Variants in ITGA11 observed in about 807,000 individuals in gnomAD.
ITGA11 encodes integrin alpha-11.
ITGA11 carries 97 observed loss-of-function variants against 141.9 expected under a neutral mutation model. That is an observed-to-expected ratio of 0.68 (90% confidence interval 0.58 to 0.81). ITGA11 has a LOEUF of 0.81. Among genes scored for constraint, ITGA11 ranks in the 30% least tolerant of loss-of-function variants. The pLI is 0.00. For missense variants in ITGA11, 1,387 were observed against 1,559.2 expected (o/e 0.89, Z 1.86); for synonymous variants, 658 against 624.6 (o/e 1.05, Z -0.80).
chr15:68,350,545 T>C (rs1417605670), intron 9 of ITGA11, 72 bp downstream of exon 9: 2 of 1,443,706 alleles, frequency 1.4e-6, no homozygotes, highest in Non-Finnish European at 1.9e-6. Context: ...GTGGGATTGG[T>C]TTGTGCTCTA....
intron 26 of ITGA11, among the ~76,000 whole-genome samples, chr15:68,309,058 C>A (rs1347894320): frequency 6.6e-6 from 1 of 152,204 alleles, no homozygotes; most frequent in African/African-American, 2.4e-5. Flanking sequence ...AAATTTTAAA[C>A]AAGTGACATC....
intron 1 of ITGA11, among the ~76,000 whole-genome samples, chr15:68,431,434 G>C (rs1897268867): frequency 6.6e-6 from 1 of 152,246 alleles, no homozygotes; most frequent in Non-Finnish European, 1.5e-5. Flanking sequence ...CCGGGCAGAC[G>C]AGAGCTAGCC....
At chr15:68,332,157 C>T (rs1268941177) in intron 13 of ITGA11, 95 bp from the exon 14 acceptor site, 2 of 1,262,950 alleles carry the variant, frequency 1.6e-6, no homozygotes, top group Non-Finnish European at 2.2e-6. Context: ...ATCCTCTCAC[C>T]ACTCCATTCC....
intron 20 of ITGA11, among the ~76,000 whole-genome samples, chr15:68,317,598 G>A (rs1893637840): frequency 6.7e-6 from 1 of 150,062 alleles, no homozygotes; most frequent in Non-Finnish European, 1.5e-5. Flanking sequence ...CACACTCAGA[G>A]GCGGTGGGGA....
chr15:68,348,927 A>C (rs1385944001), intron 9 of ITGA11, 27 bp from the exon 10 acceptor site: 1 of 1,581,510 alleles, frequency 6.3e-7, no homozygotes, highest in Admixed American at 1.8e-5. Flanking sequence ...GAGAGATGTC[A>C]GCTCCATGCC....
chr15:68,359,203 C>G (rs1050412825), intron 5 of ITGA11, among the ~76,000 whole-genome samples: 8 of 152,186 alleles, frequency 5.3e-5, no homozygotes, highest in African/African-American at 1.9e-4. Context: ...CTCAATAAAT[C>G]TGAACTGATC....
chr15:68,312,921 G>T, intron 23 of ITGA11, 58 bp from the exon 24 acceptor site: 1 of 1,278,530 alleles, frequency 7.8e-7, no homozygotes, highest in African/African-American at 1.5e-5. Flanking sequence ...TGGATGGACA[G>T]ATGAATGAAA....
At chr15:68,367,516 C>T (rs1895460920) in intron 3 of ITGA11, among the ~76,000 whole-genome samples, 1 of 152,162 alleles carries the variant, frequency 6.6e-6, no homozygotes. Context: ...TGATCACCTT[C>T]TATGGTAGAA....
intron 1 of ITGA11, among the ~76,000 whole-genome samples, chr15:68,414,222 C>A (rs1418894921): frequency 6.6e-6 from 1 of 152,210 alleles, no homozygotes; most frequent in Non-Finnish European, 1.5e-5. Context: ...GGACACCAGG[C>A]AGGGAGCACC....
chr15:68,387,937 C>A (rs141138222), intron 2 of ITGA11, among the ~76,000 whole-genome samples: 53 of 152,250 alleles, frequency 3.5e-4, no homozygotes, highest in South Asian at 6.2e-4. Context: ...TCCCAAGCCC[C>A]GCTTCCTTCT....
Position 68,366,496 on chromosome 15 carries a change from G to T in ITGA11, c.266-1698C>A, listed in dbSNP as rs561708702. ...TGCTCCACTGGGCTGGGTAACCCTCGCCCCCTTCTGGCTAGAATTCTGCCC... is the reference window on the plus strand; with the variant it reads ...TGCTCCACTGGGCTGGGTAACCCTCTCCCCCTTCTGGCTAGAATTCTGCCC... On this transcript the variant is annotated intron_variant, in intron 3 of 29. Coordinates refer to ENST00000315757, the MANE Select transcript of ITGA11 (RefSeq NM_001004439.2). Among the ~76,000 whole-genome samples the T allele has an allele frequency of 3.9e-5, 6 of 152,204 alleles. No individual in the cohort carries two copies. In the East Asian group the frequency reaches 9.6e-4, roughly 24 times the overall value.
In ITGA11 at chr15:68,322,326, G is replaced by C. The variant is rs1342697669; in HGVS notation, c.2323-823C>G. 6.6e-6 allele frequency among the ~76,000 whole-genome samples: 1 copy of C among 152,190 alleles called. No individual in the cohort carries two copies. Among genetic ancestry groups the C allele is most frequent in the Admixed American group, 6.5e-5 (1 of 15,286 alleles). ...GAAGGCTGCCCTGGCTGCTGTGGGAGAATGGAGTGAGAAGATGGAGGCTCG... is the reference window on the plus strand; with the variant it reads ...GAAGGCTGCCCTGGCTGCTGTGGGACAATGGAGTGAGAAGATGGAGGCTCG... On this transcript the variant is annotated intron_variant, in intron 18 of 29. Coordinates refer to ENST00000315757, the MANE Select transcript of ITGA11 (RefSeq NM_001004439.2). The surrounding 1 kb of genome is among the most constrained non-coding windows in gnomAD (Gnocchi z 5.6).
chr15:68,306,731 T>C (rs9672383), intron 28 of ITGA11, among the ~76,000 whole-genome samples: 49,974 of 152,126 alleles, frequency 0.33, 8,663 homozygotes, highest in African/African-American at 0.39. Context: ...TGACCCCGCC[T>C]CTTTGCTCTC....
At chr15:68,349,991 C>T (rs537695843) in intron 9 of ITGA11, among the ~76,000 whole-genome samples, 4 of 152,182 alleles carry the variant, frequency 2.6e-5, no homozygotes, top group South Asian at 2.1e-4. Context: ...CTTATTTTTG[C>T]GAAATTTGGC....
intron 3 of ITGA11, 116 bp from the exon 4 acceptor site, chr15:68,364,914 C>T (rs1895369357): frequency 2.0e-6 from 2 of 1,018,996 alleles, no homozygotes; most frequent in African/African-American, 3.2e-5. Flanking sequence ...CCCTGGGGAC[C>T]TCTGGCTCTC....
intron 1 of ITGA11, among the ~76,000 whole-genome samples, chr15:68,426,808 A>G (rs943717121): frequency 7.9e-5 from 12 of 152,018 alleles, no homozygotes; most frequent in African/African-American, 2.9e-4. Context: ...TGAGGTTGGG[A>G]GTTCAAGACC....
Position 68,350,785 on chromosome 15 carries a change from G to T in ITGA11, c.895-3C>A, listed in dbSNP as rs371759222. On this transcript the variant is annotated splice_polypyrimidine_tract_variant and splice_region_variant and intron_variant, in intron 8 of 29. Transcript: ENST00000315757. ...CTGCGGTTGTAGTAGCCCAGGACCT[G>T]CCAGGGAACAGGGGCAGGAACCACA... 1.9e-6 allele frequency: 3 copies of T among 1,610,794 alleles called. No homozygotes were observed. Among genetic ancestry groups the T allele is most frequent in the Non-Finnish European group, 2.5e-6 (3 of 1,178,278 alleles).
Position 68,321,566 on chromosome 15 carries a change from G to C in ITGA11, c.2323-63C>G. The stretch of plus-strand genomic sequence containing the variant: ...GGACCCGCAGCCCCTCGCCCTCAAT[G>C]TACACCAGCTCTGTCTCCACCACAC... On this transcript the variant is annotated intron_variant, in intron 18 of 29. Coordinates refer to ENST00000315757, the MANE Select transcript of ITGA11 (RefSeq NM_001004439.2). This position sits in a 1 kb window ranked among gnomAD's most constrained non-coding sequence, Gnocchi z 4.9. 9.5e-7 allele frequency: 1 copy of C among 1,051,602 alleles called. No homozygotes were observed. The highest frequency in any genetic ancestry group is 1.4e-6 in the Non-Finnish European group (1 of 717,710). 65.1% of individuals were successfully genotyped at this position (1,051,602 alleles called of 1,614,324 possible). A position where few individuals can be genotyped will look rare whatever the true frequency, so the allele number is the denominator to read the frequency against.
rs753320941 is a variant in ITGA11, at chr15:68,326,728, C to A, written c.2137G>T (p.Asp713Tyr). ...AGTACGGCTCTGTTGGTGAATCGGT[C>A]CCCGCCCTCGTCCAGGTGGGCCCTC... The part of the protein sequence containing the change: ...TPRAHLDEGG[D>Y]RFTNRAVLLS... Residue 713 changes from aspartate (D) to tyrosine (Y), a missense_variant, in exon 17 of 30, where the codon GAC (aspartate) becomes TAC (tyrosine). Coordinates refer to ENST00000315757, the MANE Select transcript of ITGA11 (RefSeq NM_001004439.2). The surrounding 1 kb of genome is among the most constrained non-coding windows in gnomAD (Gnocchi z 6.8). 2.5e-6 allele frequency: 4 copies of A among 1,582,752 alleles called. No individual in the cohort carries two copies. Among genetic ancestry groups the A allele is most frequent in the South Asian group, 1.2e-5 (1 of 86,068 alleles).
Sources: allele counts gnomAD v4.1 joint callset (sites outside exome capture counted in the v4.1 genomes callset), GRCh38; gene constraint gnomAD v4.1.1; non-coding constraint Gnocchi (gnomAD v3.1); transcripts MANE v1.5; gene names NCBI Gene and HGNC (gene_info 2026-07-23, HGNC 2026-07-21).